Variants in PLXNA1 observed in about 807,000 individuals in gnomAD.
PLXNA1 encodes the protein plexin-A1.
A neutral mutation model predicts 191.7 loss-of-function variants in PLXNA1; 77 were observed. That is an observed-to-expected ratio of 0.40 (90% confidence interval 0.33 to 0.49). PLXNA1 has a LOEUF of 0.49. Ranked by LOEUF, PLXNA1 falls within the 20% of genes least tolerant of loss-of-function variation. The pLI is 0.63. For missense variants in PLXNA1, 2,110 were observed against 2,660.2 expected (o/e 0.79, Z 4.55); for synonymous variants, 1,137 against 1,156.4 (o/e 0.98, Z 0.34).
rs1023235493 is a variant in PLXNA1, at chr3:127,036,753, C to G, written c.*2736C>G. 1 of 152,266 alleles carries G rather than the reference C, an allele frequency of 6.6e-6. No individual in the cohort carries two copies. Among genetic ancestry groups the G allele is most frequent in the Non-Finnish European group, 1.5e-5 (1 of 68,074 alleles). The allele number at this position is 152,266 out of a possible 1,614,324, so 9.4% of individuals were successfully genotyped here. On this transcript the variant is annotated 3_prime_UTR_variant, in exon 32 of 32. Coordinates refer to ENST00000393409, the MANE Select transcript of PLXNA1 (RefSeq NM_032242.4). ...CTGTGTCTGCAGGGAGCCAGGGCTG[C>G]GGCACATGTGCTGTGAAACTGGCAC...
chr3:127,004,857 C>T (rs371964663), intron 5 of PLXNA1, 28 bp from the exon 6 acceptor site: 33 of 1,565,316 alleles, frequency 2.1e-5, no homozygotes, highest in Admixed American at 3.6e-5. Flanking sequence ...TCTCCCCATC[C>T]GCCCAGCCTC....
intron 23 of PLXNA1, among the ~76,000 whole-genome samples, chr3:127,023,043 C>T (rs2079159836): frequency 2.0e-5 from 3 of 152,232 alleles, no homozygotes; most frequent in Non-Finnish European, 4.4e-5. Context: ...ACACAGCCCA[C>T]CAAGGTAGGT....
chr3:127,016,900 C>A, intron 16 of PLXNA1, 44 bp from the exon 17 acceptor site: 1 of 1,524,592 alleles, frequency 6.6e-7, no homozygotes, highest in Non-Finnish European at 9.0e-7. Flanking sequence ...GCTCACTGGG[C>A]CCCAGCATCA....
chr3:127,001,152 A>T (rs2079038154), intron 3 of PLXNA1, among the ~76,000 whole-genome samples: 1 of 151,500 alleles, frequency 6.6e-6, no homozygotes, highest in South Asian at 2.1e-4. Flanking sequence ...CCTTCCTGGG[A>T]CCCCTCCTTG....
chr3:127,029,822 C>A, intron 27 of PLXNA1, 52 bp from the exon 28 acceptor site: 1 of 1,495,032 alleles, frequency 6.7e-7, no homozygotes. Context: ...CAGGCTCGGG[C>A]GGGGGGTGCG....
chr3:127,004,823 C>T (rs576687466), intron 5 of PLXNA1, 62 bp from the exon 6 acceptor site: 40 of 1,573,130 alleles, frequency 2.5e-5, no homozygotes, highest in South Asian at 4.6e-5. Context: ...GCCCAGGTCC[C>T]GCCTGGCAGG....
chr3:127,004,539 G>A, intron 4 of PLXNA1, 72 bp from the exon 5 acceptor site: 2 of 1,021,332 alleles, frequency 2.0e-6, no homozygotes, highest in Non-Finnish European at 3.0e-6. Context: ...AGCAGAGTAG[G>A]GAGTCAGAGG....
At chr3:127,006,549 T>TA (rs1283025434) in intron 8 of PLXNA1, among the ~76,000 whole-genome samples, 1 of 152,156 alleles carries the variant, frequency 6.6e-6, no homozygotes, top group Non-Finnish European at 1.5e-5. Context: ...GCCACCGTGA[T>TA]ATGGACAGTG....
Position 127,032,555 on chromosome 3 carries a change from G to A in PLXNA1, c.5400G>A (p.Leu1800=), listed in dbSNP as rs1258631710. The part of the protein sequence containing the change: ...KLGKDSPSNK[L]LYAKDIPNYK... Reference sequence around the variant, plus strand: ...GCAAGGACTCACCCTCCAACAAGCTGCTCTACGCCAAGGACATCCCCAACT... The same window carrying A: ...GCAAGGACTCACCCTCCAACAAGCTACTCTACGCCAAGGACATCCCCAACT... The change falls in exon 30 of 32, where the codon CTG becomes CTA. Residue 1800 remains leucine, a synonymous_variant. Transcript: ENST00000393409. The A allele has an allele frequency of 8.1e-6, 13 of 1,614,060 alleles. No individual in the cohort carries two copies. Among genetic ancestry groups the A allele is most frequent in the South Asian group, 1.1e-5 (1 of 91,086 alleles).
intron 3 of PLXNA1, among the ~76,000 whole-genome samples, chr3:126,998,602 C>T (rs2079025670): frequency 6.6e-6 from 1 of 152,192 alleles, no homozygotes; most frequent in Non-Finnish European, 1.5e-5. Context: ...GGCAGCTGTG[C>T]ACATCTGCCC....
At chr3:126,997,976 C>G (rs576223361) in intron 3 of PLXNA1, among the ~76,000 whole-genome samples, 11 of 152,320 alleles carry the variant, frequency 7.2e-5, no homozygotes, top group Non-Finnish European at 1.5e-4. Flanking sequence ...GTCGCCTTCC[C>G]CCACAGGCAC....
Position 127,018,418 on chromosome 3 carries a change from C to T in PLXNA1, c.3785C>T (p.Ala1262Val), listed in dbSNP as rs2079136334. The T allele has an allele frequency of 1.9e-6, 3 of 1,612,966 alleles. No individual in the cohort carries two copies. Among genetic ancestry groups the T allele is most frequent in the South Asian group, 2.2e-5 (2 of 91,088 alleles). ...GGTCTCCTGCTGCTGGTCATCGTGG[C>T]TGTGCTCATCGCCTACAAGCGCAAG... ...GGGLLLLVIVAVLIAYKRKSR... is the reference protein window; with the variant it reads ...GGGLLLLVIVVVLIAYKRKSR... The change falls in exon 20 of 32, where the codon GCT becomes GTT. Residue 1262 changes from alanine to valine, a missense_variant. By Grantham distance (64) the Ala-to-Val change is moderately conservative. Around this residue, in one of 4 missense-constraint regions of PLXNA1, gnomAD observed 559 missense variants for 911.5 expected, o/e 0.61. Coordinates refer to ENST00000393409, the MANE Select transcript of PLXNA1 (RefSeq NM_032242.4).
intron 2 of PLXNA1, among the ~76,000 whole-genome samples, chr3:126,990,260 CT>C (rs2078983937): frequency 6.6e-6 from 1 of 152,248 alleles, no homozygotes; most frequent in South Asian, 2.1e-4. Context: ...CCATGGAGCG[CT>C]TGTGTCCCCC....
intron 9 of PLXNA1, 146 bp from the exon 10 acceptor site, chr3:127,011,812 G>A (rs2079096835): frequency 5.3e-6 from 4 of 749,290 alleles, no homozygotes; most frequent in South Asian, 1.6e-5. Context: ...CCCAGCCAGC[G>A]GTCCTCAGTT....
intron 20 of PLXNA1, among the ~76,000 whole-genome samples, chr3:127,018,911 G>A (rs2079139311): frequency 6.6e-6 from 1 of 152,216 alleles, no homozygotes; most frequent in Non-Finnish European, 1.5e-5. Flanking sequence ...TGGGTTGGCT[G>A]GTGCCAGCGG....
Position 126,983,307 on chromosome 3 carries a change from TCCCCGCGGC to T in PLXNA1, c.-74+21_-74+29del, listed in dbSNP as rs2078939936. ...CGGCGGGTGAGTCGGGGCGCAACTT[TCCCCGCGGC>T]GCGGGACGGTGGGCGGGGGCCGGGC... On this transcript the variant is annotated intron_variant, in intron 1 of 31. Coordinates refer to ENST00000393409, the MANE Select transcript of PLXNA1 (RefSeq NM_032242.4). 7.4e-6 allele frequency among the ~76,000 whole-genome samples: 1 copy of T among 135,472 alleles called. No individual in the cohort carries two copies. Among genetic ancestry groups the T allele is most frequent in the South Asian group, 2.4e-4 (1 of 4,120 alleles). 88.9% of individuals were successfully genotyped at this position (135,472 alleles called of 152,430 possible). A position where few individuals can be genotyped will look rare whatever the true frequency, so the allele number is the denominator to read the frequency against.
intron 3 of PLXNA1, among the ~76,000 whole-genome samples, chr3:126,998,270 G>T (rs1235927851): frequency 6.6e-6 from 1 of 152,220 alleles, no homozygotes; most frequent in Admixed American, 6.5e-5. Context: ...GGGGGTAGGT[G>T]CTGATGTGGG....
In PLXNA1 at chr3:127,008,222, G is replaced by T. The variant is rs368026735; in HGVS notation, c.2112+309G>T. Among the ~76,000 whole-genome samples the T allele has an allele frequency of 3.3e-5, 5 of 152,194 alleles. No homozygotes were observed. The East Asian group carries it at 9.6e-4, about 29-fold the overall frequency. On this transcript the variant is annotated intron_variant, in intron 9 of 31. Transcript: ENST00000393409. ...ATGAGTTCTGTCCCTGGGCCTCTGTGTGGGGGCTGCAGACACGGGCTCCTG... is the reference window on the plus strand; with the variant it reads ...ATGAGTTCTGTCCCTGGGCCTCTGTTTGGGGGCTGCAGACACGGGCTCCTG...
rs1323747313 is a variant in PLXNA1, at chr3:127,032,535, G to C, written c.5380G>C (p.Asp1794His). 1 of 1,614,010 alleles carries C rather than the reference G, an allele frequency of 6.2e-7. No individual in the cohort carries two copies. Among genetic ancestry groups the C allele is most frequent in the Non-Finnish European group, 8.5e-7 (1 of 1,180,014 alleles). ...CSTSEHKLGK[D>H]SPSNKLLYAK... ...CACCTCTGAGCACAAGCTGGGCAAGGACTCACCCTCCAACAAGCTGCTCTA... is the reference window on the plus strand; with the variant it reads ...CACCTCTGAGCACAAGCTGGGCAAGCACTCACCCTCCAACAAGCTGCTCTA... Residue 1794 changes from aspartate to histidine, a missense_variant, in exon 30 of 32, where the codon GAC (aspartate) becomes CAC (histidine). Physicochemically the swap from Asp to His is moderately conservative, Grantham distance 81. This residue lies in a region of PLXNA1 where 559 missense variants were observed against 911.5 expected (regional missense o/e 0.61). Transcript: ENST00000393409.
Sources: allele counts gnomAD v4.1 joint callset (sites outside exome capture counted in the v4.1 genomes callset), GRCh38; gene constraint gnomAD v4.1.1; regional missense constraint gnomAD v4.1.1; transcripts MANE v1.5; gene names NCBI Gene and HGNC (gene_info 2026-07-23, HGNC 2026-07-21).